MAP4K3: variants seen among roughly 807,000 people sequenced by gnomAD.
The protein encoded by MAP4K3 is mitogen-activated protein kinase kinase kinase kinase 3, also known as MAPK/ERK kinase kinase kinase 3.
In MAP4K3, 94 loss-of-function variants were observed where a neutral mutation model predicts 143.5. The observed-to-expected ratio is 0.65, with a 90% confidence interval of 0.55 to 0.78. The LOEUF (loss-of-function observed/expected upper bound fraction) is 0.78, where lower values mean the gene tolerates loss of function less well. MAP4K3 is among the 30% of genes least tolerant of loss of function. The pLI, the probability that MAP4K3 is intolerant of heterozygous loss-of-function variation, is 0.00. For synonymous variants in MAP4K3, 416 were observed against 347.2 expected (o/e 1.20, Z -2.20); for missense variants, 1,077 against 1,068.1 (o/e 1.01, Z -0.12).
chr2:39,257,760 T>C (rs530322311), intron 31 of MAP4K3, among the ~76,000 whole-genome samples: 7 of 147,468 alleles, frequency 4.7e-5, no homozygotes, highest in African/African-American at 1.3e-4. Context: ...GACTGCACCA[T>C]TGCACTCCAG....
intron 13 of MAP4K3, 49 bp from the exon 14 acceptor site, chr2:39,309,568 T>TTTTTG: frequency 7.9e-7 from 1 of 1,261,070 alleles, no homozygotes; most frequent in Non-Finnish European, 1.1e-6. Flanking sequence ...TTTTTTTTTT[T>TTTTTG]TTTTTTTGAG....
intron 2 of MAP4K3, among the ~76,000 whole-genome samples, chr2:39,358,684 T>C (rs1665679710): frequency 6.6e-6 from 1 of 152,042 alleles, no homozygotes; most frequent in African/African-American, 2.4e-5. Context: ...TAAAGGTAAA[T>C]AAAAAATGTA....
At chr2:39,380,401 T>A (rs971285423) in intron 1 of MAP4K3, among the ~76,000 whole-genome samples, 6 of 152,158 alleles carry the variant, frequency 3.9e-5, no homozygotes, top group African/African-American at 1.4e-4. Context: ...TAGTCAAGGT[T>A]ACACACAAAG....
chr2:39,335,275 C>T (rs1302569543), intron 6 of MAP4K3, among the ~76,000 whole-genome samples: 6 of 152,018 alleles, frequency 3.9e-5, no homozygotes, highest in Non-Finnish European at 4.4e-5. Flanking sequence ...TCCCTTTGGT[C>T]GCCAAGCAGA....
chr2:39,286,251 G>C (rs1558622378), intron 21 of MAP4K3, among the ~76,000 whole-genome samples: 1 of 152,296 alleles, frequency 6.6e-6, no homozygotes, highest in East Asian at 1.9e-4. Context: ...CTTCACAACA[G>C]GGTTTGCACT....
At chr2:39,251,079 G>A (rs538925187) in intron 33 of MAP4K3, among the ~76,000 whole-genome samples, 22 of 152,192 alleles carry the variant, frequency 1.4e-4, no homozygotes, top group East Asian at 1.9e-4. Context: ...GATGAATAAC[G>A]TACCCAGACA....
intron 28 of MAP4K3, among the ~76,000 whole-genome samples, chr2:39,262,735 A>C (rs902919743): frequency 6.6e-6 from 1 of 152,174 alleles, no homozygotes; most frequent in Non-Finnish European, 1.5e-5. Flanking sequence ...CTAGTAAATA[A>C]CACGGTGCCT....
At chr2:39,378,974 T>C (rs972376083) in intron 1 of MAP4K3, among the ~76,000 whole-genome samples, 4 of 151,990 alleles carry the variant, frequency 2.6e-5, no homozygotes, top group Non-Finnish European at 5.9e-5. Flanking sequence ...TATTTTATAA[T>C]TGGATCAGAA....
chr2:39,415,432 C>T (rs553739982), intron 1 of MAP4K3, among the ~76,000 whole-genome samples: 12 of 151,920 alleles, frequency 7.9e-5, no homozygotes, highest in Non-Finnish European at 1.8e-4. Context: ...AACAGACTTA[C>T]GGAATTAAAT....
intron 1 of MAP4K3, among the ~76,000 whole-genome samples, chr2:39,428,797 C>G (rs1045128199): frequency 2.6e-5 from 4 of 151,604 alleles, no homozygotes; most frequent in Non-Finnish European, 1.5e-5. Flanking sequence ...GGGCCGGGTG[C>G]AGTGGCTCAC....
intron 19 of MAP4K3, 79 bp from the exon 20 acceptor site, chr2:39,288,359 G>A (rs12473473): frequency 1.5e-6 from 2 of 1,312,698 alleles, no homozygotes; most frequent in Non-Finnish European, 1.1e-6. Context: ...TACATTAAAA[G>A]CTTTCAAATT....
At chr2:39,377,358 C>T (rs528663579) in intron 2 of MAP4K3, among the ~76,000 whole-genome samples, 1 of 152,066 alleles carries the variant, frequency 6.6e-6, no homozygotes, top group South Asian at 2.1e-4. Context: ...TGCTGTGGTA[C>T]TCGGTCTAGA....
chr2:39,326,722 A>C (rs1683501726), intron 8 of MAP4K3, among the ~76,000 whole-genome samples: 1 of 152,080 alleles, frequency 6.6e-6, no homozygotes, highest in African/African-American at 2.4e-5. Flanking sequence ...CCATGTGTTG[A>C]GGGAGGGGCC....
chr2:39,348,767 G>T (rs1665368589), intron 3 of MAP4K3, among the ~76,000 whole-genome samples: 1 of 152,074 alleles, frequency 6.6e-6, no homozygotes, highest in Admixed American at 6.5e-5. Flanking sequence ...TAAGTAGAGG[G>T]GGAAAAGTTA....
chr2:39,415,980 AATATATATATAT>A (rs1553318574), intron 1 of MAP4K3, among the ~76,000 whole-genome samples: 2 of 14,756 alleles, frequency 1.4e-4, no homozygotes, highest in Non-Finnish European at 2.9e-4. Context: ...AAAAAAAAAA[AATATATATATAT>A]ATATATATAT....
intron 1 of MAP4K3, among the ~76,000 whole-genome samples, chr2:39,427,301 T>A (rs1665119297): frequency 6.6e-6 from 1 of 151,824 alleles, no homozygotes; most frequent in Non-Finnish European, 1.5e-5. Flanking sequence ...CTTATACAGT[T>A]CCTCACTTAA....
intron 1 of MAP4K3, among the ~76,000 whole-genome samples, chr2:39,403,270 T>C (rs1036516453): frequency 1.3e-5 from 2 of 152,202 alleles, no homozygotes; most frequent in African/African-American, 4.8e-5. Flanking sequence ...AAAGCACCTT[T>C]ATAAGAACCA....
At chr2:39,298,246 A>T (rs1304363669) in intron 16 of MAP4K3, among the ~76,000 whole-genome samples, 1 of 152,122 alleles carries the variant, frequency 6.6e-6, no homozygotes, top group East Asian at 1.9e-4. Flanking sequence ...AAACTAAGAC[A>T]ATTTATAAAT....
intron 28 of MAP4K3, among the ~76,000 whole-genome samples, chr2:39,263,205 A>G (rs924222749): frequency 6.6e-6 from 1 of 152,204 alleles, no homozygotes; most frequent in African/African-American, 2.4e-5. Context: ...TAAGGGTTAT[A>G]GTATAGAAAC....
Sources: gnomAD v4.1 joint callset for allele counts (sites outside exome capture counted in the v4.1 genomes callset) on GRCh38, gnomAD v4.1.1 for gene constraint, MANE v1.5 for transcripts, NCBI Gene and HGNC (gene_info 2026-07-23, HGNC 2026-07-21) for gene names.